Variants in EEIG2 observed in about 807,000 individuals in gnomAD.
EEIG2 encodes family with sequence similarity 102 member B.
chr1:108,585,835 G>T, the EEIG2 span, among the ~76,000 whole-genome samples: 1 of 152,072 alleles, frequency 6.6e-6, no homozygotes, highest in South Asian at 2.1e-4. Flanking sequence ...CCCTGGCCAT[G>T]TCGTTGGCTC....
the EEIG2 span, among the ~76,000 whole-genome samples, chr1:108,592,653 A>T: frequency 6.6e-6 from 1 of 152,138 alleles, no homozygotes; most frequent in Admixed American, 6.6e-5. Flanking sequence ...AAAAATATGT[A>T]CAATAGGTTC....
At chr1:108,625,772 CTCTGTGTGTGTGTG>C in the EEIG2 span, 1,041 of 109,412 alleles carry the variant, frequency 9.5e-3, 15 homozygotes, top group South Asian at 0.095. Context: ...CTCTCTCTCT[CTCTGTGTGTGTGTG>C]TGTGTGTGTG....
the EEIG2 span, chr1:108,616,387 G>T: frequency 6.3e-7 from 1 of 1,595,876 alleles, no homozygotes; most frequent in South Asian, 1.1e-5. Context: ...TTTAGGTTTT[G>T]ATCAGTATGC....
At chr1:108,607,610 GC>G in the EEIG2 span, among the ~76,000 whole-genome samples, 1 of 152,064 alleles carries the variant, frequency 6.6e-6, no homozygotes, top group Non-Finnish European at 1.5e-5. Context: ...GATCACTTGA[GC>G]CCAGGCATTC....
chr1:108,628,110 A>G, the EEIG2 span: 1 of 1,460,498 alleles, frequency 6.8e-7, no homozygotes. Context: ...AGTAGAATAC[A>G]AATTGACCAT....
the EEIG2 span, among the ~76,000 whole-genome samples, chr1:108,633,609 T>C: frequency 2.6e-5 from 4 of 152,238 alleles, no homozygotes; most frequent in African/African-American, 9.6e-5. Flanking sequence ...TGTATTTTTA[T>C]TTTATTCTTC....
chr1:108,623,080 GT>G, the EEIG2 span, among the ~76,000 whole-genome samples: 1 of 151,504 alleles, frequency 6.6e-6, no homozygotes, highest in East Asian at 1.9e-4. Flanking sequence ...AAAAAAAAAT[GT>G]TTTTAGAAGG....
chr1:108,560,814 G>GC, the EEIG2 span, among the ~76,000 whole-genome samples: 1 of 152,086 alleles, frequency 6.6e-6, no homozygotes, highest in South Asian at 2.1e-4. Context: ...GGGAGCAATG[G>GC]CCAGAGAGGG....
At chr1:108,560,674 A>G in the EEIG2 span, 1 of 1,305,584 alleles carries the variant, frequency 7.7e-7, no homozygotes, top group Admixed American at 2.6e-5. Flanking sequence ...GGACCGCTCT[A>G]AAATCAGTCG....
At chr1:108,589,435 T>TCCTTTTACTGAAACTACA in the EEIG2 span, among the ~76,000 whole-genome samples, 1 of 152,176 alleles carries the variant, frequency 6.6e-6, no homozygotes, top group African/African-American at 2.4e-5. Flanking sequence ...CTTCCATCCC[T>TCCTTTTACTGAAACTACA]CCTTTTACTG....
the EEIG2 span, chr1:108,560,598 C>A: frequency 6.2e-7 from 1 of 1,600,106 alleles, no homozygotes; most frequent in South Asian, 1.1e-5. Context: ...TCGCCCCTTT[C>A]TGCTTGGCCA....
chr1:108,604,403 A>T, the EEIG2 span, among the ~76,000 whole-genome samples: 12 of 152,324 alleles, frequency 7.9e-5, no homozygotes, highest in African/African-American at 2.9e-4. Context: ...GAGTTAAAAC[A>T]TATAAGTGGT....
At chr1:108,599,524 G>C in the EEIG2 span, among the ~76,000 whole-genome samples, 1 of 152,114 alleles carries the variant, frequency 6.6e-6, no homozygotes, top group Non-Finnish European at 1.5e-5. Flanking sequence ...CGACAGCAGA[G>C]AGAACAGTAT....
the EEIG2 span, among the ~76,000 whole-genome samples, chr1:108,599,167 AAAC>A: frequency 7.2e-5 from 11 of 152,210 alleles, no homozygotes; most frequent in South Asian, 1.9e-3. Flanking sequence ...CCTGTCTCAA[AAAC>A]AACAACAACA....
the EEIG2 span, among the ~76,000 whole-genome samples, chr1:108,598,843 A>T: frequency 6.6e-6 from 1 of 152,154 alleles, no homozygotes; most frequent in Non-Finnish European, 1.5e-5. Context: ...GAGAAATCAG[A>T]AAAACCAGGC....
At chr1:108,592,777 C>G in the EEIG2 span, among the ~76,000 whole-genome samples, 2 of 152,182 alleles carry the variant, frequency 1.3e-5, no homozygotes, top group South Asian at 4.1e-4. Flanking sequence ...AAGACTTAGT[C>G]TATGTCAGTT....
chr1:108,606,107 T>G, the EEIG2 span: 3 of 556,006 alleles, frequency 5.4e-6, no homozygotes, highest in East Asian at 3.4e-5. Context: ...CGTCAGAATT[T>G]TACTGTCTAT....
the EEIG2 span, among the ~76,000 whole-genome samples, chr1:108,613,899 T>G: frequency 6.6e-6 from 1 of 152,066 alleles, no homozygotes; most frequent in East Asian, 1.9e-4. Flanking sequence ...TCTCCAGCAA[T>G]ATTTTCCTCC....
At chr1:108,561,691 T>A in the EEIG2 span, among the ~76,000 whole-genome samples, 1 of 152,222 alleles carries the variant, frequency 6.6e-6, no homozygotes, top group Admixed American at 6.5e-5. Context: ...AAAATTAAAC[T>A]GTGGTGACAC....
Sources: allele counts gnomAD v4.1 joint callset (sites outside exome capture counted in the v4.1 genomes callset), GRCh38; gene constraint gnomAD v4.1.1; transcripts MANE v1.5; gene names NCBI Gene and HGNC (gene_info 2026-07-23, HGNC 2026-07-21).